Variants in SYN3 observed in about 807,000 individuals in gnomAD.
The protein encoded by SYN3 is synapsin III.
In SYN3, 35 loss-of-function variants were observed where a neutral mutation model predicts 65.8. The ratio of observed to expected loss-of-function variants is 0.53; its 90% confidence interval spans 0.41 to 0.70. The LOEUF (loss-of-function observed/expected upper bound fraction) is 0.70. SYN3 is among the 30% of genes least tolerant of loss of function. The pLI is 0.00. For missense variants in SYN3, 680 were observed against 749.0 expected, an observed-to-expected ratio of 0.91 and a Z score of 1.08; for synonymous variants, 270 against 292.9, an observed-to-expected ratio of 0.92 and a Z score of 0.80.
chr22:33,036,583 C>T (rs959360264), intron 1 of SYN3, among the ~76,000 whole-genome samples: 1 of 151,468 alleles, frequency 6.6e-6, no homozygotes, highest in Non-Finnish European at 1.5e-5. Flanking sequence ...CATATATTTA[C>T]TTTCCACAAT....
chr22:32,694,525 A>G (rs868355141), intron 6 of SYN3, among the ~76,000 whole-genome samples: 4 of 152,320 alleles, frequency 2.6e-5, no homozygotes, highest in Middle Eastern at 6.8e-3. Flanking sequence ...TCGTCCACTC[A>G]TATGTGGATT....
At chr22:32,862,693 A>C (rs1429595361) in intron 6 of SYN3, 7 of 152,514 alleles carry the variant, frequency 4.6e-5, no homozygotes, top group Non-Finnish European at 8.8e-5. Flanking sequence ...ATGTGACAAC[A>C]ACTTCCAAAT....
chr22:32,894,448 C>T (rs1461688233), intron 4 of SYN3, among the ~76,000 whole-genome samples: 1 of 152,182 alleles, frequency 6.6e-6, no homozygotes, highest in African/African-American at 2.4e-5. Context: ...GCCAGGCTCC[C>T]TTGTAGCTAG....
At chr22:32,860,916 T>G (rs1464601173) in intron 6 of SYN3, 1 of 76,452 alleles carries the variant, frequency 1.3e-5, no homozygotes, top group Non-Finnish European at 3.0e-5. Context: ...CTGTTGTGTT[T>G]TTTTTTTTTT....
At chr22:32,657,186 C>T (rs1397459596) in intron 6 of SYN3, among the ~76,000 whole-genome samples, 10 of 150,984 alleles carry the variant, frequency 6.6e-5, no homozygotes, top group African/African-American at 2.2e-4. Context: ...TGCAGTGGCG[C>T]GATCTTGGCT....
intron 6 of SYN3, among the ~76,000 whole-genome samples, chr22:32,847,332 C>A (rs920700467): frequency 2.0e-5 from 3 of 152,230 alleles, no homozygotes; most frequent in Admixed American, 2.0e-4. Context: ...AGGATCTTGA[C>A]AGACATTGGC....
intron 6 of SYN3, among the ~76,000 whole-genome samples, chr22:32,846,045 G>A (rs899909552): frequency 2.0e-5 from 3 of 152,134 alleles, no homozygotes; most frequent in African/African-American, 7.3e-5. Flanking sequence ...TATTTGGAGG[G>A]CAGAATGTAA....
intron 6 of SYN3, among the ~76,000 whole-genome samples, chr22:32,742,989 G>T (rs1167159222): frequency 2.0e-5 from 3 of 152,100 alleles, no homozygotes; most frequent in African/African-American, 7.2e-5. Flanking sequence ...ATCAGAGAAA[G>T]TAAGTAACTT....
intron 6 of SYN3, among the ~76,000 whole-genome samples, chr22:32,839,019 T>G (rs1176007588): frequency 6.6e-6 from 1 of 151,550 alleles, no homozygotes; most frequent in Non-Finnish European, 1.5e-5. Flanking sequence ...GAAGGCTTCC[T>G]GGAGGAGGTA....
intron 6 of SYN3, among the ~76,000 whole-genome samples, chr22:32,675,731 G>A (rs2060431288): frequency 6.6e-6 from 1 of 151,480 alleles, no homozygotes; most frequent in African/African-American, 2.4e-5. Flanking sequence ...AAGGCTGACA[G>A]ATTCAGTTGC....
At chr22:32,773,298 T>C (rs2045821438) in intron 6 of SYN3, among the ~76,000 whole-genome samples, 1 of 151,378 alleles carries the variant, frequency 6.6e-6, no homozygotes, top group Non-Finnish European at 1.5e-5. Context: ...TCCCAACTAC[T>C]TGGGAGGCTG....
At position 32,712,541 on chromosome 22, in the gene SYN3, T is replaced by A. The variant is rs7287129; in HGVS notation, c.712-115805A>T. The stretch of plus-strand genomic sequence containing the variant: ...GCAAAAGTGGCTTGGCCTCTTGTCA[T>A]AATCAGCCCGAGCGGGGATAGCTCA... On this transcript the variant is annotated intron_variant, in intron 6 of 13. Coordinates refer to ENST00000358763, the MANE Select transcript of SYN3 (RefSeq NM_003490.4). 6.7e-3 allele frequency among the ~76,000 whole-genome samples: 1,017 copies of A among 152,288 alleles called. 14 individuals are homozygous for A. Among genetic ancestry groups the A allele is most frequent in the African/African-American group, 0.023 (975 of 41,572 alleles).
At chr22:32,863,394 G>A (rs143962708) in intron 6 of SYN3, among the ~76,000 whole-genome samples, 238 of 152,342 alleles carry the variant, frequency 1.6e-3, no homozygotes, top group African/African-American at 5.1e-3. Context: ...CCAACCTGGT[G>A]GAGGTGGGGA....
intron 6 of SYN3, among the ~76,000 whole-genome samples, chr22:32,808,347 C>T (rs2046821123): frequency 6.6e-6 from 1 of 152,132 alleles, no homozygotes; most frequent in Non-Finnish European, 1.5e-5. Flanking sequence ...CTTCTTGTTG[C>T]CTATGGATGG....
intron 6 of SYN3, among the ~76,000 whole-genome samples, chr22:32,598,767 C>T (rs528333471): frequency 5.9e-5 from 9 of 152,048 alleles, no homozygotes; most frequent in Non-Finnish European, 1.2e-4. Context: ...ATTCCAGCCC[C>T]GGAAACCACT....
intron 6 of SYN3, among the ~76,000 whole-genome samples, chr22:32,635,481 A>G (rs2059803147): frequency 6.6e-6 from 1 of 152,186 alleles, no homozygotes; most frequent in Non-Finnish European, 1.5e-5. Flanking sequence ...ACTTATTTCA[A>G]CCCAAATCAG....
chr22:32,520,528 A>G (rs1172682926), intron 12 of SYN3, among the ~76,000 whole-genome samples: 2 of 152,168 alleles, frequency 1.3e-5, no homozygotes, highest in Non-Finnish European at 2.9e-5. Context: ...TCAAACCTAG[A>G]TCTCTTTGAC....
At chr22:32,965,787 C>T (rs1039862868) in intron 3 of SYN3, among the ~76,000 whole-genome samples, 14 of 152,058 alleles carry the variant, frequency 9.2e-5, no homozygotes, top group Non-Finnish European at 7.4e-5. Context: ...CTCCGCCTCC[C>T]GGGTTCGCGC....
At chr22:32,775,917 C>T (rs1161702673) in intron 6 of SYN3, among the ~76,000 whole-genome samples, 1 of 152,130 alleles carries the variant, frequency 6.6e-6, no homozygotes, top group African/African-American at 2.4e-5. Flanking sequence ...AAGGAAGTGG[C>T]AGGGGGCTGT....
Sources: gnomAD v4.1 joint callset for allele counts (sites outside exome capture counted in the v4.1 genomes callset) on GRCh38, gnomAD v4.1.1 for gene constraint, MANE v1.5 for transcripts, NCBI Gene and HGNC (gene_info 2026-07-23, HGNC 2026-07-21) for gene names.